The following BCAP29 variants were observed in gnomAD, a reference collection of about 807,000 sequenced individuals.
The protein encoded by BCAP29 is B cell receptor associated protein 29, also known as B-cell receptor-associated protein 29.
Under a neutral mutation model 31.8 loss-of-function variants are expected in BCAP29, and 34 were observed. That is an observed-to-expected ratio of 1.07 (90% confidence interval 0.81 to 1.42). The LOEUF (loss-of-function observed/expected upper bound fraction) is 1.42. Ranked by LOEUF, BCAP29 falls within the 40% of genes most tolerant of loss-of-function variation. BCAP29 has a pLI of 0.00. For missense variants in BCAP29, 314 were observed against 269.2 expected (o/e 1.17, Z -1.16); for synonymous variants, 104 against 91.3 (o/e 1.14, Z -0.79).
chr7:107,600,065 T>A (rs1563134749), intron 5 of BCAP29, among the ~76,000 whole-genome samples: 1 of 152,172 alleles, frequency 6.6e-6, no homozygotes, highest in Non-Finnish European at 1.5e-5. Flanking sequence ...AACTGTTTTT[T>A]TCCCTTAGAT....
intron 3 of BCAP29, among the ~76,000 whole-genome samples, chr7:107,585,297 T>G (rs1379632314): frequency 2.0e-5 from 3 of 152,196 alleles, no homozygotes; most frequent in African/African-American, 7.2e-5. Flanking sequence ...TTTATAAAAC[T>G]AAGAACATCT....
chr7:107,611,701 A>T (rs1414710715), intron 6 of BCAP29, among the ~76,000 whole-genome samples: 2 of 152,238 alleles, frequency 1.3e-5, no homozygotes, highest in African/African-American at 2.4e-5. Flanking sequence ...AGTGTCTTCC[A>T]TACCTGACTC....
At chr7:107,599,980 G>A (rs1030251393) in intron 5 of BCAP29, among the ~76,000 whole-genome samples, 1 of 152,052 alleles carries the variant, frequency 6.6e-6, no homozygotes, top group African/African-American at 2.4e-5. Flanking sequence ...TTACAAATTT[G>A]TCTGTATAAA....
Position 107,597,437 on chromosome 7 carries a change from C to T in BCAP29, c.480+1435C>T, listed in dbSNP as rs141472665. 1.8e-4 allele frequency among the ~76,000 whole-genome samples: 27 copies of T among 152,214 alleles called. No homozygotes were observed. The East Asian group carries it at 4.2e-3, about 24-fold the overall frequency. On this transcript the variant is annotated intron_variant, in intron 5 of 7. Transcript: ENST00000005259. ...GTGGAAACTGCATTACCCTGAGATC[C>T]GAGAGACTTAGGTGCTAGTTCCAAC...
In BCAP29 at chr7:107,583,929, T is replaced by C; in HGVS notation, c.140T>C (p.Phe47Ser). 3 of 1,590,120 alleles carry C rather than the reference T, an allele frequency of 1.9e-6. No homozygotes were observed. Among genetic ancestry groups the C allele is most frequent in the Non-Finnish European group, 2.6e-6 (3 of 1,167,508 alleles). ...AATGTCTGGGGTAAAATTGCAACTT[T>C]TTGGAACAAGGCTTTCCTTACCATT... ...SFNVWGKIAT[F>S]WNKAFLTIII... Residue 47 changes from phenylalanine to serine, a missense_variant, in exon 3 of 8, where the codon TTT (phenylalanine) becomes TCT (serine). Coordinates refer to ENST00000005259, the MANE Select transcript of BCAP29 (RefSeq NM_018844.4).
intron 6 of BCAP29, among the ~76,000 whole-genome samples, chr7:107,604,688 T>TTG (rs1563137416): frequency 1.9e-3 from 259 of 136,828 alleles, no homozygotes; most frequent in African/African-American, 5.7e-3. Flanking sequence ...TGTTGTTGTT[T>TTG]TTTTTTTTTT....
chr7:107,587,725 A>G (rs1482805296), intron 3 of BCAP29: 1 of 152,166 alleles, frequency 6.6e-6, no homozygotes, highest in East Asian at 1.9e-4. Context: ...TTGTAGAAAA[A>G]TATGATTTAC....
chr7:107,599,283 T>A (rs539904743), intron 5 of BCAP29, among the ~76,000 whole-genome samples: 1,064 of 50,996 alleles, frequency 0.021, 136 homozygotes, highest in African/African-American at 0.097. Flanking sequence ...TATATATAAT[T>A]TTTATATATA....
At position 107,590,785 on chromosome 7, in the gene BCAP29, C is replaced by T. The variant is rs539189872; in HGVS notation, c.194-3170C>T. ...AGTGAGACGTGATCACATCACTGCA[C>T]TCCAGCCTGGGTGACAAAGCGAGAC... On this transcript the variant is annotated intron_variant, in intron 3 of 7. Coordinates refer to ENST00000005259, the MANE Select transcript of BCAP29 (RefSeq NM_018844.4). Among the ~76,000 whole-genome samples the T allele has an allele frequency of 2.0e-5, 3 of 149,262 alleles. No homozygotes were observed. In the South Asian group the frequency reaches 6.3e-4, roughly 32 times the overall value.
intron 3 of BCAP29, among the ~76,000 whole-genome samples, chr7:107,589,818 T>A (rs1808389644): frequency 6.6e-6 from 1 of 152,186 alleles, no homozygotes; most frequent in Non-Finnish European, 1.5e-5. Context: ...GTATGGGGGT[T>A]TTGTTTTTGT....
At chr7:107,621,329 C>A (rs1436198573), downstream of BCAP29, 2 of 185,202 alleles carry the variant, frequency 1.1e-5, no homozygotes, top group East Asian at 1.5e-4. Context: ...TTATGAAATT[C>A]TTTTTCTAAC....
rs139670322 is a variant in BCAP29, at chr7:107,601,129, C to T, written c.589+624C>T. On this transcript the variant is annotated intron_variant, in intron 6 of 7. Coordinates refer to ENST00000005259, the MANE Select transcript of BCAP29 (RefSeq NM_018844.4). ...GTTTTGCTAGTGTTTTTTTCTTAGTCAAAGAACAAATTATTTTTGTTGCAT... is the reference window on the plus strand; with the variant it reads ...GTTTTGCTAGTGTTTTTTTCTTAGTTAAAGAACAAATTATTTTTGTTGCAT... Among the ~76,000 whole-genome samples, 10 of 151,858 alleles carry T rather than the reference C, an allele frequency of 6.6e-5. No homozygotes were observed. In the East Asian group the frequency reaches 1.7e-3, roughly 26 times the overall value.
chr7:107,585,971 A>G (rs1402034126), intron 3 of BCAP29, among the ~76,000 whole-genome samples: 1 of 152,128 alleles, frequency 6.6e-6, no homozygotes, highest in Non-Finnish European at 1.5e-5. Context: ...AGCCTGGGTG[A>G]CAAGAGTGAA....
At position 107,595,897 on chromosome 7, in the gene BCAP29, T is replaced by C; in HGVS notation, c.375T>C (p.Thr125=). 1 of 1,603,466 alleles carries C rather than the reference T, an allele frequency of 6.2e-7. No homozygotes were observed. Among genetic ancestry groups the C allele is most frequent in the South Asian group, 1.1e-5 (1 of 88,526 alleles). The change falls in exon 5 of 8, where the codon ACT becomes ACC. Residue 125 remains threonine (T), a synonymous_variant. Coordinates refer to ENST00000005259, the MANE Select transcript of BCAP29 (RefSeq NM_018844.4). ...TGAGACGTCTGGTTACGCTTATTAC[T>C]CAACTGGCAAAAGAACTGTCAAACA... ...LVLRRLVTLI[T]QLAKELSNKG...
chr7:107,584,950 T>A (rs1807370165), intron 3 of BCAP29, among the ~76,000 whole-genome samples: 1 of 152,224 alleles, frequency 6.6e-6, no homozygotes, highest in Admixed American at 6.5e-5. Context: ...CAGCATGTTT[T>A]AAATTTTCAT....
rs931179418 is a variant in BCAP29, at chr7:107,620,010, T to C, written c.*1647T>C. ...TACTATATAAACTAAGATAATACAGTGATTCTCAAAGTTGTTCAGACTGTA... is the reference window on the plus strand; with the variant it reads ...TACTATATAAACTAAGATAATACAGCGATTCTCAAAGTTGTTCAGACTGTA... On this transcript the variant is annotated 3_prime_UTR_variant, in exon 8 of 8. Coordinates refer to ENST00000005259, the MANE Select transcript of BCAP29 (RefSeq NM_018844.4). 6.6e-6 allele frequency: 1 copy of C among 152,202 alleles called. No individual in the cohort carries two copies. Among genetic ancestry groups the C allele is most frequent in the African/African-American group, 2.4e-5 (1 of 41,444 alleles). The allele number at this position is 152,202 out of a possible 1,614,324, so 9.4% of individuals were successfully genotyped here.
chr7:107,618,013 A>C (rs1201300800), intron 7 of BCAP29, among the ~76,000 whole-genome samples: 1 of 152,138 alleles, frequency 6.6e-6, no homozygotes, highest in Non-Finnish European at 1.5e-5. Context: ...TCCTTCTTTC[A>C]TTTACCAAAA....
At position 107,595,942 on chromosome 7, in the gene BCAP29, A is replaced by G. The variant is rs762952961; in HGVS notation, c.420A>G (p.Gln140=). ...ELSNKGVLKT[Q]AENTNKAAKK... ...CAAACAAAGGTGTACTTAAAACTCA[A>G]GCAGAAAATACTAACAAGGCTGCCA... The change falls in exon 5 of 8, where the codon CAA becomes CAG. Residue 140 remains glutamine, a synonymous_variant. Transcript: ENST00000005259. 1 of 1,599,412 alleles carries G rather than the reference A, an allele frequency of 6.3e-7. No individual in the cohort carries two copies. Among genetic ancestry groups the G allele is most frequent in the East Asian group, 2.3e-5 (1 of 44,226 alleles).
downstream of BCAP29, chr7:107,621,731 C>T: frequency 2.1e-6 from 1 of 472,406 alleles, no homozygotes. Flanking sequence ...CTGACAGCCA[C>T]CAGAAGCTGG....
Sources: allele counts gnomAD v4.1 joint callset (sites outside exome capture counted in the v4.1 genomes callset), GRCh38; gene constraint gnomAD v4.1.1; transcripts MANE v1.5; gene names NCBI Gene and HGNC (gene_info 2026-07-23, HGNC 2026-07-21).